The following ANO3 variants were observed in gnomAD, a reference collection of about 807,000 sequenced individuals.
The protein encoded by ANO3 is anoctamin-3.
Under a neutral mutation model 144.8 loss-of-function variants are expected in ANO3, and 99 were observed. That is an observed-to-expected ratio of 0.68 (90% confidence interval 0.58 to 0.81). The LOEUF (loss-of-function observed/expected upper bound fraction) is 0.81, where lower values mean the gene tolerates loss of function less well. ANO3 is among the 30% of genes least tolerant of loss of function. The probability of loss-of-function intolerance (pLI) is 0.00; values close to 1 mark genes in which losing one functional copy is unlikely to be tolerated. For synonymous variants in ANO3, 414 were observed against 392.6 expected, an observed-to-expected ratio of 1.05 and a Z score of -0.64; for missense variants, 905 against 1,202.2, an observed-to-expected ratio of 0.75 and a Z score of 3.66.
chr11:26,402,460 C>T (rs1366320955), intron 1 of ANO3, among the ~76,000 whole-genome samples: 2 of 151,890 alleles, frequency 1.3e-5, no homozygotes, highest in Non-Finnish European at 2.9e-5. Context: ...AGTGTCTGTT[C>T]GGGTCCTTTG....
At chr11:26,555,336 A>C (rs1163538933) in intron 13 of ANO3, among the ~76,000 whole-genome samples, 4 of 152,156 alleles carry the variant, frequency 2.6e-5, no homozygotes, top group Non-Finnish European at 4.4e-5. Flanking sequence ...ATGCCAAAAA[A>C]ATCCAGATAC....
At chr11:26,356,246 T>C (rs1855780636) in intron 1 of ANO3, among the ~76,000 whole-genome samples, 1 of 152,196 alleles carries the variant, frequency 6.6e-6, no homozygotes, top group African/African-American at 2.4e-5. Flanking sequence ...TTTAGATTAT[T>C]GAGCACAAAT....
chr11:26,341,928 G>C (rs909650828), intron 1 of ANO3, among the ~76,000 whole-genome samples: 2 of 152,160 alleles, frequency 1.3e-5, no homozygotes, highest in African/African-American at 4.8e-5. Context: ...TTCTAGCTTG[G>C]CTGGCAGCTG....
chr11:26,307,721 A>AAAT (rs56805697), upstream of ANO3, among the ~76,000 whole-genome samples: 30,309 of 142,318 alleles, frequency 0.21, 3,314 homozygotes, highest in Admixed American at 0.28. Flanking sequence ...CTCCGTCTCT[A>AAAT]AATAATAATA....
intron 4 of ANO3, among the ~76,000 whole-genome samples, chr11:26,496,642 T>C (rs1171835629): frequency 5.3e-5 from 8 of 152,158 alleles, no homozygotes; most frequent in Non-Finnish European, 1.0e-4. Context: ...CCAAATAGTG[T>C]ACATCGTACC....
chr11:26,462,193 A>G (rs936735429), intron 3 of ANO3, among the ~76,000 whole-genome samples: 2 of 151,938 alleles, frequency 1.3e-5, no homozygotes, highest in Non-Finnish European at 2.9e-5. Flanking sequence ...CCATGTCAAA[A>G]TTCACGTTTA....
At chr11:26,417,469 T>G (rs1020647040) in intron 1 of ANO3, among the ~76,000 whole-genome samples, 10 of 152,014 alleles carry the variant, frequency 6.6e-5, no homozygotes, top group African/African-American at 2.4e-4. Context: ...GGAGGATTCT[T>G]CGCTTTGCAC....
intron 1 of ANO3, among the ~76,000 whole-genome samples, chr11:26,247,199 G>T (rs1451611986): frequency 1.3e-5 from 2 of 152,132 alleles, no homozygotes; most frequent in Non-Finnish European, 2.9e-5. Flanking sequence ...TTTATTGAGT[G>T]CTGTGTAGTT....
intron 4 of ANO3, among the ~76,000 whole-genome samples, chr11:26,478,202 C>A (rs144770956): frequency 3.3e-5 from 5 of 152,080 alleles, no homozygotes; most frequent in Admixed American, 6.6e-5. Flanking sequence ...ATTCTATATG[C>A]TCTGGAGACC....
chr11:26,522,676 T>C (rs1017986145), intron 6 of ANO3, among the ~76,000 whole-genome samples: 2 of 152,144 alleles, frequency 1.3e-5, no homozygotes, highest in African/African-American at 4.8e-5. Flanking sequence ...GAATTACAGG[T>C]TGTTGTTTGC....
At chr11:26,498,349 T>G (rs1861049860) in intron 4 of ANO3, among the ~76,000 whole-genome samples, 1 of 151,714 alleles carries the variant, frequency 6.6e-6, no homozygotes, top group African/African-American at 2.4e-5. Context: ...CTTAAAATAG[T>G]CACGCAAGGC....
At chr11:26,538,491 A>G (rs1849567041) in intron 10 of ANO3, among the ~76,000 whole-genome samples, 1 of 152,184 alleles carries the variant, frequency 6.6e-6, no homozygotes, top group South Asian at 2.1e-4. Context: ...TTACAGCTGA[A>G]GAAACAAAGC....
chr11:26,615,407 TA>T (rs1285145173), intron 17 of ANO3, among the ~76,000 whole-genome samples: 14 of 98,466 alleles, frequency 1.4e-4, no homozygotes, highest in African/African-American at 5.8e-4. Context: ...TATATATATA[TA>T]TATATATTTT....
intron 4 of ANO3, among the ~76,000 whole-genome samples, chr11:26,467,671 A>G (rs1229574756): frequency 1.6e-5 from 2 of 125,310 alleles, no homozygotes; most frequent in African/African-American, 5.8e-5. Flanking sequence ...TTTTTTTTTT[A>G]TCCATTCGCC....
intron 15 of ANO3, 66 bp from the exon 16 acceptor site, chr11:26,598,792 A>G: frequency 6.5e-7 from 1 of 1,534,132 alleles, no homozygotes. Flanking sequence ...TATCGTATCA[A>G]TTCTTGGGGG....
chr11:26,641,716 A>T (rs1217480023), intron 21 of ANO3, among the ~76,000 whole-genome samples, 180 bp from the exon 22 acceptor site: 1 of 152,138 alleles, frequency 6.6e-6, no homozygotes, highest in Non-Finnish European at 1.5e-5. Context: ...ATTTTTTAAG[A>T]TATTTAAGCT....
intron 1 of ANO3, among the ~76,000 whole-genome samples, chr11:26,358,057 A>G (rs1855828626): frequency 1.3e-5 from 2 of 151,956 alleles, no homozygotes; most frequent in African/African-American, 4.8e-5. Context: ...ACAACTTCAT[A>G]CGGTAGCTTT....
At chr11:26,528,061 G>A (rs963287968) in intron 7 of ANO3, among the ~76,000 whole-genome samples, 1 of 152,080 alleles carries the variant, frequency 6.6e-6, no homozygotes, top group Non-Finnish European at 1.5e-5. Flanking sequence ...GCATTGTGCT[G>A]TGATATCTTG....
At chr11:26,439,471 TG>T (rs763765844) in intron 1 of ANO3, among the ~76,000 whole-genome samples, 13 of 152,190 alleles carry the variant, frequency 8.5e-5, no homozygotes, top group Non-Finnish European at 1.9e-4. Flanking sequence ...GAAGAGGAAA[TG>T]GGGATCGGCT....
Sources: gnomAD v4.1 joint callset for allele counts (sites outside exome capture counted in the v4.1 genomes callset) on GRCh38, gnomAD v4.1.1 for gene constraint, MANE v1.5 for transcripts, NCBI Gene and HGNC (gene_info 2026-07-23, HGNC 2026-07-21) for gene names.